Variants in NOVA1 observed in about 807,000 individuals in gnomAD.
NOVA1 encodes the protein RNA-binding protein Nova-1.
NOVA1 carries 7 observed loss-of-function variants against 38.0 expected under a neutral mutation model. The ratio of observed to expected loss-of-function variants is 0.18; its 90% CI spans 0.10 to 0.35. The LOEUF is 0.35. NOVA1 is among the 10% of genes least tolerant of loss of function. NOVA1 has a pLI of 1.00. For synonymous variants in NOVA1, 270 were observed against 232.5 expected, an observed-to-expected ratio of 1.16 and a Z score of -1.47; for missense variants, 460 against 616.0, an observed-to-expected ratio of 0.75 and a Z score of 2.68.
At chr14:26,557,207 TG>T (rs1376409400) in intron 2 of NOVA1, among the ~76,000 whole-genome samples, 3 of 152,188 alleles carry the variant, frequency 2.0e-5, no homozygotes, top group African/African-American at 7.2e-5. Context: ...ACATCAATTT[TG>T]TGGGGACATA....
At chr14:26,572,914 C>A (rs1356732182) in intron 2 of NOVA1, among the ~76,000 whole-genome samples, 4 of 152,040 alleles carry the variant, frequency 2.6e-5, no homozygotes, top group Admixed American at 2.6e-4. Flanking sequence ...TAAACAATCA[C>A]ATTTATTTTG....
rs117105843 is a variant in NOVA1, at chr14:26,466,013, G to A, written c.519+6307C>T. Among the ~76,000 whole-genome samples, 1,338 of 152,230 alleles carry A rather than the reference G, an allele frequency of 8.8e-3. 9 individuals carry two copies. Among genetic ancestry groups the A allele is most frequent in the Middle Eastern group, 0.017 (5 of 294 alleles). On this transcript the variant is annotated intron_variant, in intron 4 of 4. Coordinates refer to ENST00000539517, the MANE Select transcript of NOVA1 (RefSeq NM_002515.3). ...GGGGGAGGCCAGGTTGCCATATAAG[G>A]AGGTCAGGTAAGCCTTATGGAGAAG... is the stretch of plus-strand genomic sequence containing the variant.
At chr14:26,488,758 A>G (rs1336793622) in intron 2 of NOVA1, among the ~76,000 whole-genome samples, 1 of 152,152 alleles carries the variant, frequency 6.6e-6, no homozygotes, top group Non-Finnish European at 1.5e-5. Flanking sequence ...TGTACATAAT[A>G]AATAGAGATT....
intron 2 of NOVA1, among the ~76,000 whole-genome samples, chr14:26,531,893 T>TA (rs1356173378): frequency 6.6e-6 from 1 of 151,932 alleles, no homozygotes; most frequent in Non-Finnish European, 1.5e-5. Context: ...AACAATCCAA[T>TA]AGAGACAACC....
intron 3 of NOVA1, among the ~76,000 whole-genome samples, chr14:26,476,825 T>C (rs1885025290): frequency 6.6e-6 from 1 of 151,580 alleles, no homozygotes; most frequent in African/African-American, 2.4e-5. Flanking sequence ...CAAGCGATTC[T>C]CCTGCCTCAG....
chr14:26,448,478 A>C lies in NOVA1; in HGVS notation c.1005T>G (p.Gly335=). The part of the protein sequence containing the change: ...YGYNLNTLGL[G]LSQAAATGAL... Reference sequence around the variant, plus strand: ...CCCCTGTTGCTGCTGCTTGACTGAGACCTAAACCTAAAGTGTTGAGATTAT... The same window carrying C: ...CCCCTGTTGCTGCTGCTTGACTGAGCCCTAAACCTAAAGTGTTGAGATTAT... The change falls in exon 5 of 5, where the codon GGT becomes GGG. Residue 335 remains glycine (G), a synonymous_variant. Transcript: ENST00000539517. This position sits in a 1 kb window ranked among gnomAD's most constrained non-coding sequence, Gnocchi z 5.3. 1 of 1,613,814 alleles carries C rather than the reference A, an allele frequency of 6.2e-7. No homozygotes were observed. Among genetic ancestry groups the C allele is most frequent in the Middle Eastern group, 1.7e-4 (1 of 6,058 alleles).
chr14:26,582,339 A>G (rs1433488360), intron 2 of NOVA1, among the ~76,000 whole-genome samples: 2 of 151,846 alleles, frequency 1.3e-5, no homozygotes, highest in Non-Finnish European at 3.0e-5. Context: ...AAGGTGCTTC[A>G]GTAAAACCCT....
intron 2 of NOVA1, among the ~76,000 whole-genome samples, chr14:26,564,469 G>A (rs1436037543): frequency 6.6e-6 from 1 of 152,122 alleles, no homozygotes; most frequent in Non-Finnish European, 1.5e-5. Flanking sequence ...CAGAAACACA[G>A]GTTAAGTAGC....
At chr14:26,485,198 AT>A (rs549501056) in intron 2 of NOVA1, among the ~76,000 whole-genome samples, 19 of 149,918 alleles carry the variant, frequency 1.3e-4, no homozygotes, top group African/African-American at 2.4e-4. Flanking sequence ...CTCAACAAGT[AT>A]TTTTTTTTTA....
rs1435140451 is a variant in NOVA1, at chr14:26,446,136, T to C, written c.*1823A>G. The C allele has an allele frequency of 7.0e-6, 1 of 142,112 alleles. No individual in the cohort carries two copies. Among genetic ancestry groups the C allele is most frequent in the African/African-American group, 2.5e-5 (1 of 39,792 alleles). 8.8% of individuals were successfully genotyped at this position (142,112 alleles called of 1,614,324 possible). On this transcript the variant is annotated 3_prime_UTR_variant, in exon 5 of 5. Transcript: ENST00000539517. ...TAGAGATAGAGAACTCTAAATGAAA[T>C]AACAGTCCAATGTTAAAAACTAAAA... is the stretch of plus-strand genomic sequence containing the variant.
At chr14:26,473,116 A>G (rs1414284753) in intron 3 of NOVA1, among the ~76,000 whole-genome samples, 3 of 151,866 alleles carry the variant, frequency 2.0e-5, no homozygotes, top group Admixed American at 6.6e-5. Flanking sequence ...AGAGTATAAT[A>G]TAGCATCATC....
intron 2 of NOVA1, among the ~76,000 whole-genome samples, chr14:26,510,419 G>C (rs1326329378): frequency 6.6e-6 from 1 of 152,034 alleles, no homozygotes; most frequent in African/African-American, 2.4e-5. Context: ...GGGTTAATAA[G>C]TAATAATAAA....
intron 2 of NOVA1, among the ~76,000 whole-genome samples, chr14:26,565,068 C>A: frequency 6.6e-6 from 1 of 152,060 alleles, no homozygotes; most frequent in Non-Finnish European, 1.5e-5. Flanking sequence ...AACTTAAGAG[C>A]TATTGAAGTC....
chr14:26,501,562 GAAAT>G (rs1379515006), intron 2 of NOVA1, among the ~76,000 whole-genome samples: 3 of 151,694 alleles, frequency 2.0e-5, no homozygotes, highest in African/African-American at 7.3e-5. Context: ...GAAGTATAAA[GAAAT>G]AATATATTAT....
intron 4 of NOVA1, among the ~76,000 whole-genome samples, chr14:26,469,448 CT>C (rs35475443): frequency 2.0e-5 from 3 of 152,122 alleles, no homozygotes; most frequent in Non-Finnish European, 4.4e-5. Context: ...AAAGAATAAT[CT>C]TTTTCATTAG....
chr14:26,455,509 T>C (rs1331627745), intron 4 of NOVA1, among the ~76,000 whole-genome samples: 1 of 151,998 alleles, frequency 6.6e-6, no homozygotes, highest in African/African-American at 2.4e-5. Context: ...GAAAATTCTG[T>C]TCAAAATTCT....
chr14:26,475,871 A>G (rs1884945886), intron 3 of NOVA1, among the ~76,000 whole-genome samples: 1 of 152,156 alleles, frequency 6.6e-6, no homozygotes, highest in Non-Finnish European at 1.5e-5. Context: ...GAATATTATT[A>G]TTAATAAACA....
intron 2 of NOVA1, among the ~76,000 whole-genome samples, chr14:26,530,577 T>C (rs1326216275): frequency 6.6e-6 from 1 of 152,146 alleles, no homozygotes; most frequent in Non-Finnish European, 1.5e-5. Context: ...AGGTAAAATG[T>C]TACTTGCGCT....
chr14:26,559,505 T>C (rs1891691570), intron 2 of NOVA1, among the ~76,000 whole-genome samples: 1 of 152,204 alleles, frequency 6.6e-6, no homozygotes, highest in African/African-American at 2.4e-5. Context: ...TATCAATGAA[T>C]GATATTCAAG....
Sources: gnomAD v4.1 joint callset for allele counts (sites outside exome capture counted in the v4.1 genomes callset) on GRCh38, gnomAD v4.1.1 for gene constraint, Gnocchi (gnomAD v3.1) non-coding constraint, MANE v1.5 for transcripts, NCBI Gene and HGNC (gene_info 2026-07-23, HGNC 2026-07-21) for gene names.